The following SCOC variants were observed in gnomAD, a reference collection of about 807,000 sequenced individuals.
The protein encoded by SCOC is short coiled-coil protein.
A neutral mutation model predicts 9.9 loss-of-function variants in SCOC; 7 were observed. That is an observed-to-expected ratio of 0.71 (90% CI 0.40 to 1.33). The LOEUF (loss-of-function observed/expected upper bound fraction) is 1.33, where lower values mean the gene tolerates loss of function less well. Among genes scored for constraint, SCOC ranks in the 40% most tolerant of loss-of-function variants. The pLI is 0.01. For synonymous variants in SCOC, 19 were observed against 28.2 expected, an observed-to-expected ratio of 0.67 and a Z score of 1.03; for missense variants, 66 against 89.7, an observed-to-expected ratio of 0.74 and a Z score of 1.07.
chr4:140,380,322 C>T (rs558350360), intron 3 of SCOC, among the ~76,000 whole-genome samples: 5 of 151,362 alleles, frequency 3.3e-5, no homozygotes, highest in East Asian at 3.9e-4. Flanking sequence ...CTCAGCCTCC[C>T]GAGTAGCTGG....
At chr4:140,275,090 A>G (rs1730952772) in intron 1 of SCOC, among the ~76,000 whole-genome samples, 1 of 152,234 alleles carries the variant, frequency 6.6e-6, no homozygotes, top group Non-Finnish European at 1.5e-5. Flanking sequence ...GTAGGTTCAT[A>G]ACAAACTAGT....
chr4:140,371,802 T>G (rs1187410546), upstream of SCOC, among the ~76,000 whole-genome samples: 14 of 152,218 alleles, frequency 9.2e-5, no homozygotes, highest in Admixed American at 9.2e-4. Context: ...CAAAGAGACA[T>G]TTGCACACCC....
intron 1 of SCOC, among the ~76,000 whole-genome samples, chr4:140,336,807 A>AT (rs1456252809): frequency 6.6e-6 from 1 of 152,144 alleles, no homozygotes; most frequent in African/African-American, 2.4e-5. Context: ...CTGCCAAATT[A>AT]TTTTCCACAG....
At chr4:140,273,844 CAATCA>C (rs1157267610) in intron 1 of SCOC, among the ~76,000 whole-genome samples, 1 of 152,152 alleles carries the variant, frequency 6.6e-6, no homozygotes, top group African/African-American at 2.4e-5. Context: ...AATTCTGCCC[CAATCA>C]AAAGTGTAAC....
intron 1 of SCOC, among the ~76,000 whole-genome samples, chr4:140,274,246 CAT>C (rs1004407783): frequency 2.6e-5 from 4 of 152,128 alleles, no homozygotes; most frequent in African/African-American, 9.7e-5. Context: ...TAGAAATAGA[CAT>C]AGATTATGAG....
chr4:140,285,367 T>C lies in SCOC; in HGVS notation c.-19+27957T>C, dbSNP rs890652476. On this transcript the variant is annotated intron_variant, in intron 1 of 4. Coordinates refer to the SCOC transcript ENST00000394205. ...CAAACAGGTCTTTGAAAATACCAGATGACTGAACTAAAATAAATGGGAGAG... is the reference window on the plus strand; with the variant it reads ...CAAACAGGTCTTTGAAAATACCAGACGACTGAACTAAAATAAATGGGAGAG... The C allele has an allele frequency of 9.0e-6, 4 of 443,136 alleles. No individual in the cohort carries two copies. In the Admixed American group the frequency reaches 9.6e-5, roughly 11 times the overall value. 27.5% of individuals were successfully genotyped at this position (443,136 alleles called of 1,614,324 possible).
chr4:140,317,496 C>G (rs921950350), intron 1 of SCOC, among the ~76,000 whole-genome samples: 4 of 152,026 alleles, frequency 2.6e-5, no homozygotes, highest in Non-Finnish European at 4.4e-5. Context: ...CTTGCTCAAT[C>G]GATCACGACC....
upstream of SCOC, among the ~76,000 whole-genome samples, chr4:140,339,144 C>T (rs1726394312): frequency 1.3e-5 from 2 of 152,082 alleles, no homozygotes; most frequent in African/African-American, 4.8e-5. Context: ...GAAATAATGC[C>T]ACATATCTAC....
At chr4:140,356,571 G>C in intron 2 of SCOC, among the ~76,000 whole-genome samples, 1 of 152,168 alleles carries the variant, frequency 6.6e-6, no homozygotes, top group African/African-American at 2.4e-5. Context: ...AAAGATTATA[G>C]AGCAGTCATT....
Position 140,315,313 on chromosome 4 carries a change from G to A in SCOC, c.-18-28308G>A, listed in dbSNP as rs758941940. Among the ~76,000 whole-genome samples the A allele has an allele frequency of 1.1e-4, 16 of 152,182 alleles. 1 individual carries two copies. The highest frequency in any genetic ancestry group is 1.9e-4 in the Non-Finnish European group (13 of 68,034). On this transcript the variant is annotated intron_variant, in intron 1 of 4. Coordinates refer to the SCOC transcript ENST00000394205. ...CCTAACAGTATCTAACATTTATTGT[G>A]TGATTCTTTAGGCTCTGCACTGAAT... is the stretch of plus-strand genomic sequence containing the variant.
intron 1 of SCOC, among the ~76,000 whole-genome samples, chr4:140,277,018 G>A (rs1292162009): frequency 6.6e-6 from 1 of 152,174 alleles, no homozygotes; most frequent in East Asian, 1.9e-4. Context: ...CTGTGTATTT[G>A]ATAGGGACCA....
At position 140,383,442 on chromosome 4, in the gene SCOC, G is replaced by A. The variant is rs1728627208; in HGVS notation, c.*2338G>A. ...TTGGGACAGGATGGCCAAATAAAAAGTCTCAATTTGGAAAATGGAATAAAG... is the reference window on the plus strand; with the variant it reads ...TTGGGACAGGATGGCCAAATAAAAAATCTCAATTTGGAAAATGGAATAAAG... On this transcript the variant is annotated 3_prime_UTR_variant, in exon 4 of 4. Transcript: ENST00000608372. 6.6e-6 allele frequency: 1 copy of A among 152,218 alleles called. No homozygotes were observed. The highest frequency in any genetic ancestry group is 1.5e-5 in the Non-Finnish European group (1 of 68,042). The allele number at this position is 152,218 out of a possible 1,614,324, so 9.4% of individuals were successfully genotyped here.
At chr4:140,299,844 C>T (rs1224069636) in intron 1 of SCOC, among the ~76,000 whole-genome samples, 1 of 152,192 alleles carries the variant, frequency 6.6e-6, no homozygotes, top group Non-Finnish European at 1.5e-5. Context: ...CACAACGATG[C>T]TTATTTTCCA....
chr4:140,356,100 G>C (rs910402727), intron 2 of SCOC, among the ~76,000 whole-genome samples: 3 of 152,324 alleles, frequency 2.0e-5, no homozygotes, highest in Non-Finnish European at 4.4e-5. Flanking sequence ...TTTAGCTACA[G>C]GATATTCAAG....
chr4:140,373,425 A>G, upstream of SCOC: 1 of 1,510,096 alleles, frequency 6.6e-7, no homozygotes, highest in Non-Finnish European at 8.9e-7. Flanking sequence ...TCGCTGTTCC[A>G]GGTCCCGCCC....
intron 1 of SCOC, among the ~76,000 whole-genome samples, chr4:140,267,352 C>T (rs1730751017): frequency 6.6e-6 from 1 of 152,078 alleles, no homozygotes; most frequent in African/African-American, 2.4e-5. Flanking sequence ...GACCTTTGAA[C>T]GTGAGCTAGG....
rs1411645304 is a variant in SCOC, at chr4:140,381,972, G to A, written c.*868G>A. On this transcript the variant is annotated 3_prime_UTR_variant, in exon 4 of 4. Transcript: ENST00000608372. ...TTTGTGTTTTCTCTGGCACAGAGTA[G>A]ATCTTTTGGGAAATATATATGAAAG... 6.6e-6 allele frequency: 1 copy of A among 152,162 alleles called. No homozygotes were observed. The highest frequency in any genetic ancestry group is 1.5e-5 in the Non-Finnish European group (1 of 68,026). 9.4% of individuals were successfully genotyped at this position (152,162 alleles called of 1,614,324 possible). A position where few individuals can be genotyped will look rare whatever the true frequency, so the allele number is the denominator to read the frequency against.
chr4:140,347,799 C>G (rs534649582), intron 2 of SCOC, among the ~76,000 whole-genome samples: 6 of 152,226 alleles, frequency 3.9e-5, no homozygotes, highest in African/African-American at 1.4e-4. Context: ...TTTAGTTTAT[C>G]AAGTTTTTCA....
chr4:140,328,965 G>A (rs1304625125), intron 1 of SCOC, among the ~76,000 whole-genome samples: 1 of 152,062 alleles, frequency 6.6e-6, no homozygotes, highest in East Asian at 1.9e-4. Context: ...AAATTCATAT[G>A]GAACCAAAAA....
Sources: allele counts gnomAD v4.1 joint callset (sites outside exome capture counted in the v4.1 genomes callset), GRCh38; gene constraint gnomAD v4.1.1; transcripts MANE v1.5; gene names NCBI Gene and HGNC (gene_info 2026-07-23, HGNC 2026-07-21).